Variants in COL22A1 observed in about 807,000 individuals in gnomAD.
COL22A1 encodes collagen alpha-1(XXII) chain.
COL22A1 carries 221 observed loss-of-function variants against 248.9 expected under a neutral mutation model. The observed-to-expected ratio is 0.89, with a 90% CI of 0.80 to 0.99. The LOEUF (loss-of-function observed/expected upper bound fraction) is 0.99, where lower values mean the gene tolerates loss of function less well. Ranked by LOEUF, COL22A1 falls within the 50% of genes least tolerant of loss-of-function variation. The pLI is 0.00. For missense variants in COL22A1, 2,240 were observed against 2,179.0 expected, an observed-to-expected ratio of 1.03 and a Z score of -0.56; for synonymous variants, 891 against 793.4, an observed-to-expected ratio of 1.12 and a Z score of -2.07.
chr8:138,804,824 T>A (rs1472958318), intron 10 of COL22A1, among the ~76,000 whole-genome samples: 2 of 135,578 alleles, frequency 1.5e-5, no homozygotes, highest in African/African-American at 5.8e-5. Context: ...GTGTGTGTGA[T>A]ATGGGGTGTG....
rs1317697092 is a variant in COL22A1 at position 138,661,040 on chromosome 8, A to T, written c.3241-560T>A. Among the ~76,000 whole-genome samples the T allele has an allele frequency of 1.5e-4, 17 of 110,658 alleles. No individual in the cohort carries two copies. The South Asian group carries it at 5.4e-3, about 35-fold the overall frequency. The allele number at this position is 110,658 out of a possible 152,430, so 72.6% of individuals were successfully genotyped here. On this transcript the variant is annotated intron_variant, in intron 43 of 64. Transcript: ENST00000303045. ...CACGCACATACACACACATATACAG[A>T]CACACACACACACGCACACACACCC...
chr8:138,715,568 TTAAA>T (rs543442617), intron 30 of COL22A1, 110 bp downstream of exon 30: 83,339 of 426,090 alleles, frequency 0.2, 3,781 homozygotes, highest in Non-Finnish European at 0.23. Context: ...GACTCTCATT[TTAAA>T]AAAAAAAAAA....
intron 30 of COL22A1, among the ~76,000 whole-genome samples, chr8:138,709,601 C>T (rs879921369): frequency 1.5e-5 from 2 of 131,788 alleles, no homozygotes; most frequent in African/African-American, 3.0e-5. Context: ...AACACTTGGA[C>T]ACAGAGTGGG....
intron 12 of COL22A1, among the ~76,000 whole-genome samples, chr8:138,791,486 A>T (rs776549272): frequency 2.0e-5 from 3 of 152,224 alleles, no homozygotes; most frequent in Non-Finnish European, 2.9e-5. Context: ...TTGCATTTTC[A>T]AACGGGACAG....
At chr8:138,733,602 G>A (rs144114571) in intron 23 of COL22A1, among the ~76,000 whole-genome samples, 6 of 152,162 alleles carry the variant, frequency 3.9e-5, no homozygotes, top group Admixed American at 2.0e-4. Context: ...TCTCCCCACT[G>A]CTCTTTCAGG....
intron 7 of COL22A1, among the ~76,000 whole-genome samples, chr8:138,819,914 C>A (rs2131742780): frequency 6.6e-6 from 1 of 151,988 alleles, no homozygotes; most frequent in South Asian, 2.1e-4. Context: ...ATATCTCAAG[C>A]TTAAAGGACA....
chr8:138,878,498 G>A (rs1175837338), intron 2 of COL22A1, among the ~76,000 whole-genome samples, 182 bp from the exon 3 acceptor site: 3 of 151,974 alleles, frequency 2.0e-5, no homozygotes, highest in Non-Finnish European at 4.4e-5. Context: ...CCTTCACATG[G>A]CAATAATGAT....
chr8:138,620,976 TCCATCCATCCATCCATCCAC>T (rs1201436053), intron 52 of COL22A1, among the ~76,000 whole-genome samples: 14 of 119,412 alleles, frequency 1.2e-4, no homozygotes, highest in Non-Finnish European at 2.3e-4. Flanking sequence ...CATCCATCCA[TCCATCCATCCATCCATCCAC>T]CCATCCATCC....
intron 22 of COL22A1, among the ~76,000 whole-genome samples, chr8:138,744,791 A>G (rs1831973676): frequency 1.3e-5 from 2 of 152,028 alleles, no homozygotes; most frequent in South Asian, 2.1e-4. Context: ...CCCTTCTCTT[A>G]GCTATACATC....
Position 138,811,781 on chromosome 8 carries a change from G to T in COL22A1, c.1449+18C>A. The T allele has an allele frequency of 6.2e-7, 1 of 1,610,978 alleles. No homozygotes were observed. The highest frequency in any genetic ancestry group is 8.5e-7 in the Non-Finnish European group (1 of 1,178,730). On this transcript the variant is annotated intron_variant, in intron 9 of 64. Coordinates refer to ENST00000303045, the MANE Select transcript of COL22A1 (RefSeq NM_152888.3). ...ACCCAGGGTTCTGCTGGGGCTGAAG[G>T]TGGACTGCAGACAATACCTTCTCTC...
rs1832151733 is a variant in COL22A1, at chr8:138,746,827, C to G, written c.2085+4631G>C. Reference sequence around the variant, plus strand: ...CCGAACCAGGATGGGTGCTCAGAAGCCCTGTGCTCTGCCCAGCCCCTGCCC... The same window carrying G: ...CCGAACCAGGATGGGTGCTCAGAAGGCCTGTGCTCTGCCCAGCCCCTGCCC... On this transcript the variant is annotated intron_variant, in intron 22 of 64. Transcript: ENST00000303045. Among the ~76,000 whole-genome samples, 3 of 152,228 alleles carry G rather than the reference C, an allele frequency of 2.0e-5. No homozygotes were observed. The South Asian group carries it at 6.2e-4, about 32-fold the overall frequency.
chr8:138,703,399 CT>C (rs767217000), intron 30 of COL22A1, 52 bp from the exon 31 acceptor site: 17 of 1,510,302 alleles, frequency 1.1e-5, no homozygotes, highest in Non-Finnish European at 1.5e-5. Flanking sequence ...CCCAACTCTG[CT>C]TATGCTGCAA....
At chr8:138,786,568 T>C (rs1380991582) in intron 12 of COL22A1, among the ~76,000 whole-genome samples, 1 of 152,168 alleles carries the variant, frequency 6.6e-6, no homozygotes, top group Non-Finnish European at 1.5e-5. Context: ...CCTTCCAAAA[T>C]TCCCCAGCTG....
intron 56 of COL22A1, 140 bp downstream of exon 56, chr8:138,613,727 G>C (rs1051153315): frequency 1.2e-6 from 1 of 803,372 alleles, no homozygotes. Flanking sequence ...ACTTAGGGGG[G>C]CAGCTATTTA....
chr8:138,672,330 G>A (rs979966899), intron 41 of COL22A1, among the ~76,000 whole-genome samples: 4 of 152,296 alleles, frequency 2.6e-5, no homozygotes, highest in African/African-American at 9.6e-5. Flanking sequence ...TCTTGTCCCT[G>A]CAAGTAGGCA....
intron 41 of COL22A1, among the ~76,000 whole-genome samples, chr8:138,670,888 G>A (rs191912617): frequency 7.1e-4 from 103 of 144,778 alleles, no homozygotes; most frequent in Non-Finnish European, 9.5e-4. Flanking sequence ...TTGAGCCCAG[G>A]AGGTTAAGGC....
intron 32 of COL22A1, among the ~76,000 whole-genome samples, chr8:138,699,269 C>T (rs1827765523): frequency 6.8e-6 from 1 of 147,684 alleles, no homozygotes; most frequent in Admixed American, 7.0e-5. Flanking sequence ...TAGCACCTGA[C>T]TCAGTCTGTC....
At chr8:138,826,342 C>T (rs1427414024) in intron 6 of COL22A1, among the ~76,000 whole-genome samples, 3 of 152,186 alleles carry the variant, frequency 2.0e-5, no homozygotes, top group Non-Finnish European at 4.4e-5. Context: ...CTCATGCTGC[C>T]AATATAGGTG....
At chr8:138,616,179 C>A in intron 54 of COL22A1, 125 bp from the exon 55 acceptor site, 1 of 788,656 alleles carries the variant, frequency 1.3e-6, no homozygotes, top group Non-Finnish European at 2.2e-6. Flanking sequence ...CTTCCATACG[C>A]AGAGCCCCAG....
Sources: gnomAD v4.1 joint callset for allele counts (sites outside exome capture counted in the v4.1 genomes callset) on GRCh38, gnomAD v4.1.1 for gene constraint, MANE v1.5 for transcripts, NCBI Gene and HGNC (gene_info 2026-07-23, HGNC 2026-07-21) for gene names.